Variants in LRRIQ3 observed in about 807,000 individuals in gnomAD.
The protein encoded by LRRIQ3 is leucine rich repeats and IQ motif containing 3, also known as leucine-rich repeat and IQ domain-containing protein 3.
In LRRIQ3, 75 loss-of-function variants were observed where a neutral mutation model predicts 59.3. That is an observed-to-expected ratio of 1.26 (90% confidence interval 1.05 to 1.53). The LOEUF (loss-of-function observed/expected upper bound fraction) is 1.53. LRRIQ3 is among the 40% of genes most tolerant of loss of function. LRRIQ3 has a pLI of 0.00. For missense variants in LRRIQ3, 831 were observed against 710.0 expected (o/e 1.17, Z -1.94); for synonymous variants, 250 against 231.3 (o/e 1.08, Z -0.73).
At chr1:74,125,848 A>G (rs1021120549) in intron 4 of LRRIQ3, among the ~76,000 whole-genome samples, 3 of 151,896 alleles carry the variant, frequency 2.0e-5, no homozygotes, top group Admixed American at 2.0e-4. Context: ...TTCTTTTATC[A>G]GGATAATACT....
chr1:74,140,737 G>A (rs561484174), intron 4 of LRRIQ3, among the ~76,000 whole-genome samples: 40 of 151,760 alleles, frequency 2.6e-4, no homozygotes, highest in African/African-American at 8.7e-4. Context: ...TGTTTCCCCT[G>A]CCCTAAGATA....
intron 4 of LRRIQ3, among the ~76,000 whole-genome samples, chr1:74,126,348 CATTT>C (rs753884287): frequency 2.6e-5 from 4 of 151,662 alleles, no homozygotes; most frequent in Non-Finnish European, 5.9e-5. Context: ...ATTTCAATTT[CATTT>C]ATTTCTGCTC....
chr1:74,110,573 C>G (rs966946717), intron 4 of LRRIQ3, among the ~76,000 whole-genome samples: 2 of 151,894 alleles, frequency 1.3e-5, no homozygotes, highest in African/African-American at 4.8e-5. Context: ...CAGTAACATC[C>G]ATTCTGAGTG....
At chr1:74,057,442 A>G (rs185394411) in intron 6 of LRRIQ3, among the ~76,000 whole-genome samples, 1 of 152,274 alleles carries the variant, frequency 6.6e-6, no homozygotes, top group East Asian at 1.9e-4. Context: ...AAATAAATTC[A>G]TACATTCACA....
At chr1:74,060,231 TTCTTC>T (rs1654675827) in intron 6 of LRRIQ3, among the ~76,000 whole-genome samples, 1 of 139,812 alleles carries the variant, frequency 7.2e-6, no homozygotes, top group Non-Finnish European at 1.6e-5. Context: ...GTTCTTCTTC[TTCTTC>T]TTCTTCTTCT....
intron 4 of LRRIQ3, among the ~76,000 whole-genome samples, chr1:74,137,526 A>T (rs1453315604): frequency 1.3e-5 from 2 of 152,176 alleles, no homozygotes; most frequent in East Asian, 3.9e-4. Flanking sequence ...ATTGTGGAAG[A>T]CAGTGTGGTG....
intron 3 of LRRIQ3, among the ~76,000 whole-genome samples, chr1:74,157,059 G>A (rs112712628): frequency 7.3e-5 from 11 of 150,948 alleles, no homozygotes; most frequent in African/African-American, 2.2e-4. Context: ...TGCCGCTTCC[G>A]ATTTATACTT....
intron 6 of LRRIQ3, among the ~76,000 whole-genome samples, chr1:74,047,845 T>G (rs1443697212): frequency 6.6e-6 from 1 of 152,152 alleles, no homozygotes; most frequent in African/African-American, 2.4e-5. Context: ...TGGCTTTATT[T>G]GGTAGTGGGA....
intron 4 of LRRIQ3, among the ~76,000 whole-genome samples, chr1:74,118,216 G>A (rs1646803662): frequency 6.6e-6 from 1 of 151,646 alleles, no homozygotes; most frequent in South Asian, 2.1e-4. Context: ...CTACACTCTC[G>A]CTTTTACAGA....
At chr1:74,144,079 T>A (rs1048699547) in intron 4 of LRRIQ3, among the ~76,000 whole-genome samples, 1 of 151,912 alleles carries the variant, frequency 6.6e-6, no homozygotes, top group Non-Finnish European at 1.5e-5. Flanking sequence ...TCAACTATGA[T>A]CCATTTATTC....
At chr1:74,110,403 T>C (rs968156794) in intron 4 of LRRIQ3, among the ~76,000 whole-genome samples, 2 of 151,932 alleles carry the variant, frequency 1.3e-5, no homozygotes, top group Non-Finnish European at 2.9e-5. Flanking sequence ...ATTGTAAAAC[T>C]CACTACGTCA....
chr1:74,171,445 C>CATTG (rs772348770), intron 3 of LRRIQ3, among the ~76,000 whole-genome samples: 4 of 152,154 alleles, frequency 2.6e-5, no homozygotes, highest in African/African-American at 9.7e-5. Flanking sequence ...TGGTGCATCA[C>CATTG]ATTGATTGAT....
At chr1:74,149,695 C>A (rs983203612) in intron 4 of LRRIQ3, among the ~76,000 whole-genome samples, 1 of 152,168 alleles carries the variant, frequency 6.6e-6, no homozygotes, top group East Asian at 1.9e-4. Context: ...TTCCCCTTTA[C>A]TCTGTTTGGG....
intron 4 of LRRIQ3, among the ~76,000 whole-genome samples, chr1:74,152,914 T>C (rs905278729): frequency 1.3e-5 from 2 of 152,184 alleles, no homozygotes; most frequent in Non-Finnish European, 2.9e-5. Context: ...GGCTTTCTAA[T>C]ATTGATTCAT....
chr1:74,031,121 G>A (rs1653696807), intron 7 of LRRIQ3, among the ~76,000 whole-genome samples: 1 of 152,146 alleles, frequency 6.6e-6, no homozygotes, highest in African/African-American at 2.4e-5. Flanking sequence ...AACAGGTGCT[G>A]GAGAGGATGT....
At chr1:74,028,640 G>T (rs1181444595) in intron 7 of LRRIQ3, among the ~76,000 whole-genome samples, 1 of 151,860 alleles carries the variant, frequency 6.6e-6, no homozygotes, top group Non-Finnish European at 1.5e-5. Context: ...AGGTAGTAAA[G>T]CCATTCTGCT....
chr1:74,057,590 C>G (rs1654575005), intron 6 of LRRIQ3, among the ~76,000 whole-genome samples: 1 of 152,066 alleles, frequency 6.6e-6, no homozygotes, highest in African/African-American at 2.4e-5. Flanking sequence ...TATAAAAAAT[C>G]TACTCAAAAT....
At chr1:74,065,165 A>G (rs1227684064) in intron 6 of LRRIQ3, among the ~76,000 whole-genome samples, 1 of 152,164 alleles carries the variant, frequency 6.6e-6, no homozygotes, top group African/African-American at 2.4e-5. Context: ...GACTTCTAGT[A>G]CAACCAAACC....
chr1:74,032,539 A>T (rs536923040), intron 7 of LRRIQ3, among the ~76,000 whole-genome samples: 157 of 152,102 alleles, frequency 1.0e-3, no homozygotes, highest in African/African-American at 3.6e-3. Context: ...GCTTCCCTCT[A>T]TTTTTAAGTC....
Sources: gnomAD v4.1 joint callset for allele counts (sites outside exome capture counted in the v4.1 genomes callset) on GRCh38, gnomAD v4.1.1 for gene constraint, MANE v1.5 for transcripts, NCBI Gene and HGNC (gene_info 2026-07-23, HGNC 2026-07-21) for gene names.